ALPK1: variants seen among roughly 807,000 people sequenced by gnomAD.
ALPK1 encodes alpha kinase 1.
In ALPK1, 110 loss-of-function variants were observed where a neutral mutation model predicts 120.6. The ratio of observed to expected loss-of-function variants is 0.91; its 90% CI spans 0.78 to 1.07. The LOEUF (loss-of-function observed/expected upper bound fraction) is 1.07, where lower values mean the gene tolerates loss of function less well. Ranked by LOEUF, ALPK1 falls within the 50% of genes least tolerant of loss-of-function variation. The pLI, the probability that ALPK1 is intolerant of heterozygous loss-of-function variation, is 0.00. For missense variants in ALPK1, 1,498 were observed against 1,483.9 expected, an observed-to-expected ratio of 1.01 and a Z score of -0.16; for synonymous variants, 582 against 560.3, an observed-to-expected ratio of 1.04 and a Z score of -0.55.
intron 12 of ALPK1, among the ~76,000 whole-genome samples, chr4:112,436,131 TAAATAG>T (rs1046934499): frequency 7.9e-5 from 12 of 152,180 alleles, no homozygotes; most frequent in Non-Finnish European, 1.0e-4. Flanking sequence ...GTGTAAGAAA[TAAATAG>T]AAATAGAGAA....
At chr4:112,323,539 T>A (rs537271211) in intron 2 of ALPK1, among the ~76,000 whole-genome samples, 2 of 152,304 alleles carry the variant, frequency 1.3e-5, no homozygotes, top group South Asian at 2.1e-4. Flanking sequence ...AACAATTTGA[T>A]TTTTTTGAAA....
At chr4:112,367,937 T>C (rs970908115) in intron 2 of ALPK1, among the ~76,000 whole-genome samples, 6 of 152,242 alleles carry the variant, frequency 3.9e-5, no homozygotes, top group African/African-American at 1.4e-4. Flanking sequence ...AGTCTCACTC[T>C]GTTGCCCAGG....
intron 12 of ALPK1, 86 bp from the exon 13 acceptor site, chr4:112,438,398 C>A: frequency 2.4e-6 from 3 of 1,228,924 alleles, no homozygotes; most frequent in Non-Finnish European, 2.3e-6. Context: ...AGCATTTCTG[C>A]ATATGTCTTT....
At chr4:112,302,523 C>A (rs994674732) in intron 1 of ALPK1, 7 of 152,412 alleles carry the variant, frequency 4.6e-5, no homozygotes, top group African/African-American at 1.7e-4. Context: ...CTCCCCTGCC[C>A]TCTACTTAAA....
chr4:112,330,104 T>C (rs1296479756), intron 2 of ALPK1, among the ~76,000 whole-genome samples: 1 of 152,232 alleles, frequency 6.6e-6, no homozygotes, highest in Non-Finnish European at 1.5e-5. Flanking sequence ...GCTTGGGTCC[T>C]GGAAACCTGT....
chr4:112,426,898 T>C (rs1370444807), intron 8 of ALPK1, among the ~76,000 whole-genome samples: 1 of 152,238 alleles, frequency 6.6e-6, no homozygotes, highest in Admixed American at 6.5e-5. Flanking sequence ...ATCAGTTTTC[T>C]TGAGTTGAGT....
At chr4:112,352,529 C>T (rs1730406819) in intron 2 of ALPK1, 1 of 152,128 alleles carries the variant, frequency 6.6e-6, no homozygotes, top group African/African-American at 2.4e-5. Context: ...CATATTCTTA[C>T]CCATAACTTT....
chr4:112,311,952 A>T (rs1728422874), intron 1 of ALPK1, among the ~76,000 whole-genome samples: 1 of 151,828 alleles, frequency 6.6e-6, no homozygotes, highest in Non-Finnish European at 1.5e-5. Flanking sequence ...GGAAGCACAC[A>T]CACCAAAATA....
chr4:112,389,114 G>A (rs1464342256), intron 4 of ALPK1, among the ~76,000 whole-genome samples: 1 of 149,694 alleles, frequency 6.7e-6, no homozygotes, highest in African/African-American at 2.5e-5. Flanking sequence ...GCGTGATCTC[G>A]GCTCACTGCT....
chr4:112,377,831 G>C lies in ALPK1; in HGVS notation c.54G>C (p.Leu18=). 6.2e-7 allele frequency: 1 copy of C among 1,613,668 alleles called. No individual in the cohort carries two copies. The change falls in exon 3 of 16, where the codon CTG becomes CTC. Residue 18 remains leucine, a synonymous_variant. Transcript: ENST00000650871. The part of the protein sequence containing the change: ...AVLLQECKQV[L]DQLLLEAPDV... ...TACTGCAAGAGTGCAAGCAAGTGCT[G>C]GATCAGCTCTTGTTGGAAGCGCCAG...
intron 2 of ALPK1, among the ~76,000 whole-genome samples, chr4:112,325,304 G>A (rs1292202760): frequency 6.6e-6 from 1 of 152,162 alleles, no homozygotes; most frequent in African/African-American, 2.4e-5. Flanking sequence ...TACCAGCCAT[G>A]ATTTTTTTCC....
chr4:112,441,601 G>C lies in ALPK1; in HGVS notation c.*391G>C, dbSNP rs891610458. 1.6e-5 allele frequency: 3 copies of C among 187,298 alleles called. No homozygotes were observed. The highest frequency in any genetic ancestry group is 4.7e-5 in the African/African-American group (2 of 42,564). 11.6% of individuals were successfully genotyped at this position (187,298 alleles called of 1,614,324 possible). ...ATATTAAAAAAATGTGAGCCTTTGT[G>C]ATACGAATTCAATTTGTTTTCCTGT... On this transcript the variant is annotated 3_prime_UTR_variant, in exon 16 of 16. Transcript: ENST00000650871.
At chr4:112,367,668 C>T (rs1731216779) in intron 2 of ALPK1, among the ~76,000 whole-genome samples, 1 of 152,126 alleles carries the variant, frequency 6.6e-6, no homozygotes, top group South Asian at 2.1e-4. Context: ...ATTTCTGTCT[C>T]CTGTTCAAAA....
rs1351214542 is a variant in ALPK1, at chr4:112,359,372, G to A, written c.-100-18306G>A. 8.2e-6 allele frequency: 3 copies of A among 367,656 alleles called. No individual in the cohort carries two copies. The East Asian group carries it at 1.7e-4, about 21-fold the overall frequency. 22.8% of individuals were successfully genotyped at this position (367,656 alleles called of 1,614,324 possible). On this transcript the variant is annotated intron_variant, in intron 2 of 15. Transcript: ENST00000650871. ...AGCAGGATGATGACCTGGACAAGGT[G>A]CTGGCCCTACTGGCTGCCCTGACCA...
chr4:112,422,661 AATTC>A lies in ALPK1; in HGVS notation c.476-1277_476-1274del, dbSNP rs1734052183. On this transcript the variant is annotated intron_variant, in intron 5 of 15. Coordinates refer to ENST00000650871, the MANE Select transcript of ALPK1 (RefSeq NM_025144.4). ...TGACATAGTGGCTTAAAACAGTAATAATTCATTCAGTCTCATAATTTGTAGTTTG... is the reference window on the plus strand; with the variant it reads ...TGACATAGTGGCTTAAAACAGTAATAATTCAGTCTCATAATTTGTAGTTTG... 2.6e-5 allele frequency among the ~76,000 whole-genome samples: 4 copies of A among 152,370 alleles called. 1 individual carries two copies. In the South Asian group the frequency reaches 8.3e-4, roughly 32 times the overall value.
At chr4:112,321,640 G>A (rs1471539235) in intron 2 of ALPK1, among the ~76,000 whole-genome samples, 3 of 152,118 alleles carry the variant, frequency 2.0e-5, no homozygotes, top group Non-Finnish European at 4.4e-5. Flanking sequence ...TAATTTCCAT[G>A]TATTTGCATA....
chr4:112,439,862 C>G lies in ALPK1; in HGVS notation c.3528C>G (p.Val1176=), dbSNP rs764845071. 17 of 1,603,324 alleles carry G rather than the reference C, an allele frequency of 1.1e-5. No individual in the cohort carries two copies. Among genetic ancestry groups the G allele is most frequent in the Non-Finnish European group, 1.4e-5 (17 of 1,177,214 alleles). The change falls in exon 14 of 16, where the codon GTC becomes GTG. Residue 1176 remains valine (V), a synonymous_variant. Transcript: ENST00000650871. ...TTTCTAATCATAGAGATGTTGTGGTCGATTTACAAGGTATGTGAAACTGGG... is the reference window on the plus strand; with the variant it reads ...TTTCTAATCATAGAGATGTTGTGGTGGATTTACAAGGTATGTGAAACTGGG... ...YEFSNHRDVV[V]DLQGWVTGNG...
intron 9 of ALPK1, 105 bp from the exon 10 acceptor site, chr4:112,429,044 A>G: frequency 1.0e-6 from 1 of 955,646 alleles, no homozygotes; most frequent in Admixed American, 1.7e-5. Flanking sequence ...TGCGGTGAGG[A>G]GTCCCTTGAA....
chr4:112,402,627 C>T (rs543039501), intron 4 of ALPK1, among the ~76,000 whole-genome samples: 3 of 152,290 alleles, frequency 2.0e-5, no homozygotes, highest in South Asian at 2.1e-4. Flanking sequence ...TGTGTCTATG[C>T]GTGTGTCTGT....
Sources: gnomAD v4.1 joint callset for allele counts (sites outside exome capture counted in the v4.1 genomes callset) on GRCh38, gnomAD v4.1.1 for gene constraint, MANE v1.5 for transcripts, NCBI Gene and HGNC (gene_info 2026-07-23, HGNC 2026-07-21) for gene names.